GPM6A: variants seen among roughly 807,000 people sequenced by gnomAD.
The protein encoded by GPM6A is glycoprotein M6A.
In GPM6A, 7 loss-of-function variants were observed where a neutral mutation model predicts 32.1. The observed-to-expected ratio is 0.22, with a 90% CI of 0.12 to 0.41. The LOEUF is 0.41. Ranked by LOEUF, GPM6A falls within the 10% of genes least tolerant of loss-of-function variation. The probability of loss-of-function intolerance (pLI) is 1.00; values close to 1 mark genes in which losing one functional copy is unlikely to be tolerated. For synonymous variants in GPM6A, 130 were observed against 123.4 expected, an observed-to-expected ratio of 1.05 and a Z score of -0.35; for missense variants, 235 against 347.2, an observed-to-expected ratio of 0.68 and a Z score of 2.57.
intron 1 of GPM6A, among the ~76,000 whole-genome samples, chr4:175,850,987 C>A (rs1324124501): frequency 6.6e-6 from 1 of 151,984 alleles, no homozygotes; most frequent in Non-Finnish European, 1.5e-5. Context: ...ATTTTTCTTA[C>A]TAGAAATATT....
intron 3 of GPM6A, among the ~76,000 whole-genome samples, chr4:175,667,044 G>T (rs1294662952): frequency 1.3e-5 from 2 of 152,132 alleles, no homozygotes; most frequent in African/African-American, 4.8e-5. Flanking sequence ...TATTAACAAA[G>T]TTAGAAACTT....
chr4:175,637,775 CT>C (rs1344223327), intron 6 of GPM6A, among the ~76,000 whole-genome samples: 1 of 69,594 alleles, frequency 1.4e-5, no homozygotes, highest in African/African-American at 5.5e-5. Flanking sequence ...AATATATAAT[CT>C]ATATATAATA....
At chr4:175,744,326 G>A (rs1221354170) in intron 1 of GPM6A, among the ~76,000 whole-genome samples, 1 of 151,954 alleles carries the variant, frequency 6.6e-6, no homozygotes, top group Non-Finnish European at 1.5e-5. Flanking sequence ...TAAAAAGAGG[G>A]TATAGCTCCA....
intron 4 of GPM6A, 46 bp downstream of exon 4, chr4:175,651,787 CA>C (rs1741821149): frequency 6.7e-7 from 1 of 1,492,294 alleles, no homozygotes; most frequent in South Asian, 1.2e-5. Context: ...GTAGGTAACA[CA>C]ATATGGGATG....
chr4:175,855,894 G>A (rs765264346), intron 1 of GPM6A, among the ~76,000 whole-genome samples: 1 of 152,022 alleles, frequency 6.6e-6, no homozygotes, highest in Non-Finnish European at 1.5e-5. Flanking sequence ...ATGACACTCC[G>A]GCAACAATGA....
intron 2 of GPM6A, among the ~76,000 whole-genome samples, chr4:175,693,673 A>G (rs1231445185): frequency 2.6e-5 from 4 of 152,194 alleles, no homozygotes; most frequent in Non-Finnish European, 5.9e-5. Context: ...TCTCTGAACC[A>G]TAAAGAACAA....
At chr4:175,983,611 G>T (rs1324818638) in intron 1 of GPM6A, among the ~76,000 whole-genome samples, 4 of 152,102 alleles carry the variant, frequency 2.6e-5, no homozygotes, top group Non-Finnish European at 5.9e-5. Context: ...TAAACCATTT[G>T]AAACCATTTC....
intron 1 of GPM6A, among the ~76,000 whole-genome samples, chr4:175,958,490 C>CAA (rs1409144020): frequency 6.6e-6 from 1 of 152,178 alleles, no homozygotes; most frequent in African/African-American, 2.4e-5. Flanking sequence ...CAACATCTGT[C>CAA]TCTAAATTCA....
chr4:175,776,618 G>C (rs1733406865), intron 1 of GPM6A, among the ~76,000 whole-genome samples: 1 of 152,138 alleles, frequency 6.6e-6, no homozygotes, highest in African/African-American at 2.4e-5. Flanking sequence ...TCAGTTTCAT[G>C]AACAGGCAAA....
At chr4:175,842,430 T>A (rs997793129) in intron 1 of GPM6A, among the ~76,000 whole-genome samples, 15 of 152,268 alleles carry the variant, frequency 9.9e-5, no homozygotes, top group African/African-American at 3.6e-4. Context: ...ACATGGTAAG[T>A]GGCCATAGGA....
chr4:175,728,060 T>C (rs1295137462), intron 1 of GPM6A, among the ~76,000 whole-genome samples: 1 of 151,890 alleles, frequency 6.6e-6, no homozygotes, highest in Non-Finnish European at 1.5e-5. Flanking sequence ...CTTAACAATT[T>C]CAGATCATCT....
intron 1 of GPM6A, among the ~76,000 whole-genome samples, chr4:175,736,719 G>GT (rs1480021910): frequency 1.3e-5 from 2 of 152,116 alleles, no homozygotes; most frequent in Non-Finnish European, 2.9e-5. Context: ...TTATTAATTA[G>GT]TAGTAATAAA....
intron 1 of GPM6A, among the ~76,000 whole-genome samples, chr4:175,798,019 C>T (rs982026002): frequency 3.3e-5 from 5 of 152,024 alleles, no homozygotes; most frequent in African/African-American, 4.8e-5. Context: ...CCATACTCAC[C>T]GAATCAGAAA....
chr4:175,875,922 T>G (rs1177166970), intron 1 of GPM6A, among the ~76,000 whole-genome samples: 1 of 152,182 alleles, frequency 6.6e-6, no homozygotes, highest in Admixed American at 6.5e-5. Flanking sequence ...ATGTAAATCT[T>G]GTCTTGGTAA....
intron 1 of GPM6A, chr4:175,787,407 C>G: frequency 6.5e-7 from 1 of 1,534,736 alleles, no homozygotes; most frequent in African/African-American, 1.4e-5. Context: ...TCCCTTGATT[C>G]AAGGGCATAA....
At chr4:175,762,936 G>A (rs1732808818) in intron 1 of GPM6A, among the ~76,000 whole-genome samples, 1 of 152,108 alleles carries the variant, frequency 6.6e-6, no homozygotes, top group African/African-American at 2.4e-5. Flanking sequence ...AGGAATGACT[G>A]CTAATAGGTA....
rs543449747 is a variant in GPM6A at position 175,869,671 on chromosome 4, C to A, written c.-22-57422G>T. On this transcript the variant is annotated intron_variant, in intron 1 of 7. Transcript: ENST00000280187. ...ATTCAGGAGGCTGAGGTAGGAGAAT[C>A]GCTTGAACCCAGGAGGCATAGGTTG... Among the ~76,000 whole-genome samples, 5 of 151,992 alleles carry A rather than the reference C, an allele frequency of 3.3e-5. No individual in the cohort carries two copies. The South Asian group carries it at 1.0e-3, about 31-fold the overall frequency.
chr4:175,635,997 G>C (rs1740561110), intron 6 of GPM6A, among the ~76,000 whole-genome samples: 1 of 151,932 alleles, frequency 6.6e-6, no homozygotes, highest in Non-Finnish European at 1.5e-5. Flanking sequence ...AGTACAGATG[G>C]ATATAAAGAA....
intron 1 of GPM6A, among the ~76,000 whole-genome samples, chr4:175,809,090 C>T (rs1560944793): frequency 6.6e-6 from 1 of 152,116 alleles, no homozygotes; most frequent in Non-Finnish European, 1.5e-5. Context: ...TCTGGCCACC[C>T]GAATGTGTAT....
Sources: gnomAD v4.1 joint callset for allele counts (sites outside exome capture counted in the v4.1 genomes callset) on GRCh38, gnomAD v4.1.1 for gene constraint, MANE v1.5 for transcripts, NCBI Gene and HGNC (gene_info 2026-07-23, HGNC 2026-07-21) for gene names.